The following NSD2 variants were observed in gnomAD, a reference collection of about 807,000 sequenced individuals.
NSD2 encodes nuclear receptor binding SET domain protein 2.
In NSD2, 12 loss-of-function variants were observed where a neutral mutation model predicts 139.0. The observed-to-expected ratio is 0.09, with a 90% CI of 0.06 to 0.14. The LOEUF (loss-of-function observed/expected upper bound fraction) is 0.14. Ranked by LOEUF, NSD2 falls within the 10% of genes least tolerant of loss-of-function variation. The pLI, the probability that NSD2 is intolerant of heterozygous loss-of-function variation, is 1.00. For synonymous variants in NSD2, 669 were observed against 648.7 expected (o/e 1.03, Z -0.48); for missense variants, 1,155 against 1,745.0 (o/e 0.66, Z 6.02).
intron 1 of NSD2, among the ~76,000 whole-genome samples, chr4:1,888,371 C>CCAT (rs915279057): frequency 1.5e-5 from 2 of 132,898 alleles, no homozygotes; most frequent in Non-Finnish European, 3.1e-5. Flanking sequence ...TGAGATCAGG[C>CCAT]CACTGCACTC....
intron 1 of NSD2, among the ~76,000 whole-genome samples, chr4:1,878,398 A>G (rs928609534): frequency 2.0e-5 from 3 of 150,926 alleles, no homozygotes; most frequent in Non-Finnish European, 4.4e-5. Flanking sequence ...GTAAGCCACC[A>G]TGCCTGGCCA....
At position 1,948,483 on chromosome 4, in the gene NSD2, G is replaced by T. The variant is rs371208366; in HGVS notation, c.1882-2589G>T. 1 of 1,065,038 alleles carries T rather than the reference G, an allele frequency of 9.4e-7. No individual in the cohort carries two copies. Among genetic ancestry groups the T allele is most frequent in the Non-Finnish European group, 1.1e-6 (1 of 878,238 alleles). The allele number at this position is 1,065,038 out of a possible 1,614,324, so 66.0% of individuals were successfully genotyped here. A position where few individuals can be genotyped will look rare whatever the true frequency, so the allele number is the denominator to read the frequency against. Reference sequence around the variant, plus strand: ...CGCCCTCGTACTTTGCTCTCCTTGCGGGTGGTTGCCGAGCCGAGAGCATTG... The same window carrying T: ...CGCCCTCGTACTTTGCTCTCCTTGCTGGTGGTTGCCGAGCCGAGAGCATTG... On this transcript the variant is annotated intron_variant, in intron 9 of 21. Transcript: ENST00000508803. The surrounding 1 kb of genome is among the most constrained non-coding windows in gnomAD (Gnocchi z 4.5).
At chr4:1,949,040 G>A (rs1297912951) in intron 9 of NSD2, among the ~76,000 whole-genome samples, 1 of 152,192 alleles carries the variant, frequency 6.6e-6, no homozygotes, top group Non-Finnish European at 1.5e-5. Context: ...TCTCTGAGTG[G>A]GGCCCCAGAC....
intron 16 of NSD2, among the ~76,000 whole-genome samples, 167 bp from the exon 17 acceptor site, chr4:1,959,301 GCTC>G (rs1725139632): frequency 6.6e-6 from 1 of 152,140 alleles, no homozygotes; most frequent in Non-Finnish European, 1.5e-5. Flanking sequence ...GCAGAGGAGA[GCTC>G]CTCTGGGATC....
intron 5 of NSD2, among the ~76,000 whole-genome samples, chr4:1,926,396 G>A (rs961877151): frequency 1.1e-4 from 17 of 149,630 alleles, no homozygotes; most frequent in African/African-American, 2.5e-4. Context: ...CTCGTGATCC[G>A]CCTGCCTCAG....
chr4:1,934,433 C>T (rs1453172531), intron 6 of NSD2, among the ~76,000 whole-genome samples: 2 of 151,430 alleles, frequency 1.3e-5, no homozygotes, highest in African/African-American at 4.9e-5. Flanking sequence ...GCAGAGGTTG[C>T]AGTGAGCTGA....
intron 10 of NSD2, among the ~76,000 whole-genome samples, chr4:1,951,503 CACACACACACACACACACACAA>C (rs1560746152): frequency 6.5e-4 from 84 of 128,836 alleles, no homozygotes; most frequent in South Asian, 9.9e-4. Flanking sequence ...CACACACACA[CACACACACACACACACACACAA>C]AGTTCCTGTT....
chr4:1,959,728 G>T lies in NSD2; in HGVS notation c.3243G>T (p.Arg1081Ser), dbSNP rs756144891. ...DGKGWGLVAK[R>S]DIRKGEFVNE... ...AAGGGTGGGGCCTGGTCGCCAAGAG[G>T]GACATCAGAAAGGTATGTGTCGTTA... The change falls in exon 17 of 22, where the codon AGG (arginine) becomes AGT (serine). Residue 1081 changes from arginine (R) to serine (S), a missense_variant. Physicochemically the swap from Arg to Ser is moderately radical, Grantham distance 110. Around this residue, in one of 8 missense-constraint regions of NSD2, gnomAD observed 139 missense variants for 485.8 expected, o/e 0.29. Coordinates refer to ENST00000508803, the MANE Select transcript of NSD2 (RefSeq NM_001042424.3). 3.1e-6 allele frequency: 5 copies of T among 1,613,852 alleles called. No homozygotes were observed. In the Admixed American group the frequency reaches 8.3e-5, roughly 27 times the overall value.
At chr4:1,934,930 C>G (rs1225318077) in intron 6 of NSD2, among the ~76,000 whole-genome samples, 1 of 103,492 alleles carries the variant, frequency 9.7e-6, no homozygotes, top group Admixed American at 1.1e-4. Flanking sequence ...AAAACAGATG[C>G]TAATATAATC....
intron 19 of NSD2, 23 bp downstream of exon 19, chr4:1,975,027 A>G: frequency 1.9e-6 from 3 of 1,613,764 alleles, no homozygotes; most frequent in South Asian, 1.1e-5. Flanking sequence ...GGGACCCTGC[A>G]TGGGGCTCCT....
rs1480341276 is a variant in NSD2 at position 1,974,671 on chromosome 4, T to G, written c.3373-192T>G. The G allele has an allele frequency of 1.2e-6, 1 of 849,296 alleles. No homozygotes were observed. The highest frequency in any genetic ancestry group is 2.5e-5 in the East Asian group (1 of 40,628). 52.6% of individuals were successfully genotyped at this position (849,296 alleles called of 1,614,324 possible). On this transcript the variant is annotated intron_variant, in intron 18 of 21. Coordinates refer to ENST00000508803, the MANE Select transcript of NSD2 (RefSeq NM_001042424.3). The surrounding 1 kb of genome is among the most constrained non-coding windows in gnomAD (Gnocchi z 4.0). ...AGGCTCGGTCCTCTCCACGTGGTCCTGACCTGTCCTCTGTGAGCAAGAGAA... is the reference window on the plus strand; with the variant it reads ...AGGCTCGGTCCTCTCCACGTGGTCCGGACCTGTCCTCTGTGAGCAAGAGAA...
At chr4:1,903,860 G>A (rs536556131) in intron 2 of NSD2, among the ~76,000 whole-genome samples, 1 of 151,542 alleles carries the variant, frequency 6.6e-6, no homozygotes, top group African/African-American at 2.4e-5. Flanking sequence ...TCAGCTTCCT[G>A]AGTAGCTGGG....
intron 5 of NSD2, among the ~76,000 whole-genome samples, chr4:1,923,799 A>G (rs1265108285): frequency 1.3e-5 from 2 of 152,242 alleles, no homozygotes; most frequent in Admixed American, 6.5e-5. Flanking sequence ...AGACTATGGT[A>G]TGTTCCTACA....
intron 2 of NSD2, among the ~76,000 whole-genome samples, chr4:1,903,902 T>G (rs143459231): frequency 0.015 from 2,275 of 152,002 alleles, 53 homozygotes; most frequent in Non-Finnish European, 0.02. Context: ...GCCCGGCTAA[T>G]TTTTTGTATT....
chr4:1,939,377 A>G (rs1442017225), intron 8 of NSD2: 1 of 435,200 alleles, frequency 2.3e-6, no homozygotes, highest in Non-Finnish European at 4.2e-6. Context: ...CTTCAGAATA[A>G]TCTGGCAGGG....
chr4:1,943,734 A>T lies in NSD2; in HGVS notation c.1881+3956A>T, dbSNP rs1577506941. 8 of 1,057,302 alleles carry T rather than the reference A, an allele frequency of 7.6e-6. 1 individual carries two copies. Among genetic ancestry groups the T allele is most frequent in the South Asian group, 4.6e-5 (1 of 21,914 alleles). 65.5% of individuals were successfully genotyped at this position (1,057,302 alleles called of 1,614,324 possible). ...AGTAAAATTAAAATTCTCAAAAAAA[A>T]ACCCCACGAAATTTAAAGATGGGGA... On this transcript the variant is annotated intron_variant, in intron 9 of 21. Coordinates refer to ENST00000508803, the MANE Select transcript of NSD2 (RefSeq NM_001042424.3).
chr4:1,971,527 C>T (rs1370656901), intron 18 of NSD2, among the ~76,000 whole-genome samples: 2 of 152,096 alleles, frequency 1.3e-5, no homozygotes, highest in Non-Finnish European at 2.9e-5. Flanking sequence ...CAAGCAGAGA[C>T]TTAGAGAACA....
intron 9 of NSD2, chr4:1,940,367 C>T: frequency 2.8e-6 from 3 of 1,066,898 alleles, no homozygotes; most frequent in African/African-American, 1.6e-5. Flanking sequence ...TCTGGACTTG[C>T]AGAGTACATG....
intron 3 of NSD2, among the ~76,000 whole-genome samples, chr4:1,908,656 G>C (rs1317710367): frequency 6.6e-6 from 1 of 152,130 alleles, no homozygotes; most frequent in African/African-American, 2.4e-5. Flanking sequence ...TTATGTGTCA[G>C]CTGACCCACC....
Sources: allele counts gnomAD v4.1 joint callset (sites outside exome capture counted in the v4.1 genomes callset), GRCh38; gene constraint gnomAD v4.1.1; regional missense constraint gnomAD v4.1.1; non-coding constraint Gnocchi (gnomAD v3.1); transcripts MANE v1.5; gene names NCBI Gene and HGNC (gene_info 2026-07-23, HGNC 2026-07-21).